SPAG9: variants seen among roughly 807,000 people sequenced by gnomAD.
The protein encoded by SPAG9 is C-Jun-amino-terminal kinase-interacting protein 4.
Under a neutral mutation model 166.5 loss-of-function variants are expected in SPAG9, and 35 were observed. The ratio of observed to expected loss-of-function variants is 0.21; its 90% CI spans 0.16 to 0.28. SPAG9 has a LOEUF of 0.28. Among genes scored for constraint, SPAG9 ranks in the 10% least tolerant of loss-of-function variants. SPAG9 has a pLI of 1.00. For missense variants in SPAG9, 1,235 were observed against 1,603.3 expected (o/e 0.77, Z 3.92); for synonymous variants, 534 against 565.5 (o/e 0.94, Z 0.79).
Position 51,068,976 on chromosome 17 carries a change from C to A in SPAG9, c.424+10608G>T, listed in dbSNP as rs536599241. On this transcript the variant is annotated intron_variant, in intron 2 of 29. Transcript: ENST00000262013. ...TAGTGTTTGCAAAAACTATCTTGTG[C>A]CTAATTTTCTACTTTCCCACTCATA... Among the ~76,000 whole-genome samples the A allele has an allele frequency of 6.6e-5, 10 of 152,118 alleles. No homozygotes were observed. In the South Asian group the frequency reaches 2.1e-3, roughly 32 times the overall value.
chr17:50,993,800 A>C lies in SPAG9; in HGVS notation c.2362T>G (p.Cys788Gly), dbSNP rs780178728. 1 of 1,614,188 alleles carries C rather than the reference A, an allele frequency of 6.2e-7. No individual in the cohort carries two copies. The highest frequency in any genetic ancestry group is 8.5e-7 in the Non-Finnish European group (1 of 1,180,010). ...PGNILDSFTV[C>G]NSHVLCIASV... is the part of the protein sequence containing the mutation. ...GCAATGCACAGAACATGAGAGTTGCAAACAGTGAAACTGTCTAGGATGTTG... is the reference window on the plus strand; with the variant it reads ...GCAATGCACAGAACATGAGAGTTGCCAACAGTGAAACTGTCTAGGATGTTG... Residue 788 changes from cysteine (C) to glycine (G), a missense_variant, in exon 19 of 30, where the codon TGC becomes GGC. Cys to Gly is a radical substitution (Grantham distance 159). Transcript: ENST00000262013.
At chr17:51,033,024 T>G (rs1056731948) in intron 5 of SPAG9, among the ~76,000 whole-genome samples, 2 of 139,748 alleles carry the variant, frequency 1.4e-5, no homozygotes, top group African/African-American at 5.9e-5. Flanking sequence ...ACAGATGTGG[T>G]TTTTTTTTTT....
chr17:51,107,879 C>G (rs1236053598), intron 1 of SPAG9, among the ~76,000 whole-genome samples: 1 of 151,034 alleles, frequency 6.6e-6, no homozygotes, highest in Non-Finnish European at 1.5e-5. Flanking sequence ...TGCAACACTG[C>G]TCTCCAGCCT....
Position 51,120,492 on chromosome 17 carries a change from C to T in SPAG9, c.165G>A (p.Val55=). ...CCGAGTCCAGGTTCTCCAGCACAGC[C>T]ACCACCAGCGGCATCAGCTCTTTGA... is the stretch of plus-strand genomic sequence containing the variant. ...EVVKELMPLV[V]AVLENLDSVF... Residue 55 remains valine (V), a synonymous_variant, in exon 1 of 30, where the codon GTG becomes GTA. Coordinates refer to ENST00000262013, the MANE Select transcript of SPAG9 (RefSeq NM_001130528.3). The surrounding 1 kb of genome is among the most constrained non-coding windows in gnomAD (Gnocchi z 4.7). The T allele has an allele frequency of 6.2e-7, 1 of 1,614,038 alleles. No individual in the cohort carries two copies. The highest frequency in any genetic ancestry group is 1.1e-5 in the South Asian group (1 of 91,090).
chr17:51,110,726 T>C (rs2049084814), intron 1 of SPAG9, among the ~76,000 whole-genome samples: 1 of 152,050 alleles, frequency 6.6e-6, no homozygotes. Flanking sequence ...AACTTGGTAC[T>C]TCTCTATTAC....
chr17:51,083,539 TTTATTTTATTTA>T (rs2048226136), intron 1 of SPAG9, among the ~76,000 whole-genome samples: 1 of 120,698 alleles, frequency 8.3e-6, no homozygotes, highest in African/African-American at 3.0e-5. Flanking sequence ...ACACAGCCTC[TTTATTTTATTTA>T]TTTATTTATT....
At chr17:51,041,354 C>A in intron 5 of SPAG9, 147 bp downstream of exon 5, 1 of 602,006 alleles carries the variant, frequency 1.7e-6, no homozygotes, top group Non-Finnish European at 2.7e-6. Context: ...TTGGTAAGAG[C>A]TCATTTCCAA....
intron 2 of SPAG9, among the ~76,000 whole-genome samples, chr17:51,065,053 G>A (rs963116034): frequency 7.2e-5 from 11 of 152,112 alleles, no homozygotes; most frequent in African/African-American, 2.7e-4. Context: ...AATCTGGGAG[G>A]CGAAGGTTGC....
chr17:51,041,906 C>T (rs1034361787), intron 4 of SPAG9, among the ~76,000 whole-genome samples: 24 of 152,142 alleles, frequency 1.6e-4, no homozygotes, highest in African/African-American at 5.3e-4. Flanking sequence ...AAGTTACTGA[C>T]GAGTTCCTTG....
In SPAG9 at chr17:51,015,236, G is replaced by A. The variant is rs534135801; in HGVS notation, c.1092-883C>T. ...TAAGCCACTGGGGTTTAGGGAGGAG[G>A]TCAATATGCTGCCAGAACCCCTGAA... On this transcript the variant is annotated intron_variant, in intron 8 of 29. Coordinates refer to ENST00000262013, the MANE Select transcript of SPAG9 (RefSeq NM_001130528.3). Among the ~76,000 whole-genome samples the A allele has an allele frequency of 9.2e-5, 14 of 152,200 alleles. No homozygotes were observed. In the South Asian group the frequency reaches 2.3e-3, roughly 25 times the overall value.
intron 4 of SPAG9, chr17:51,046,532 T>C (rs1208821768): frequency 6.5e-7 from 1 of 1,536,074 alleles, no homozygotes; most frequent in Non-Finnish European, 8.7e-7. Flanking sequence ...GCGTCAGAGC[T>C]GGCACACCGG....
In SPAG9 at chr17:50,999,416, GCA is replaced by G. The variant is rs1360373140; in HGVS notation, c.1664+243_1664+244del. 4.4e-6 allele frequency: 6 copies of G among 1,348,440 alleles called. No homozygotes were observed. The African/African-American group carries it at 6.1e-5, about 14-fold the overall frequency. 83.5% of individuals were successfully genotyped at this position (1,348,440 alleles called of 1,614,324 possible). A position where few individuals can be genotyped will look rare whatever the true frequency, so the allele number is the denominator to read the frequency against. On this transcript the variant is annotated intron_variant, in intron 14 of 29. Transcript: ENST00000262013. ...AATTTGGCAGAGGATTGCAACAAAT[GCA>G]CAGTCAACATGATGCAGCTTACGAT...
chr17:51,080,294 CT>C (rs202141770), intron 1 of SPAG9, among the ~76,000 whole-genome samples: 2,571 of 140,004 alleles, frequency 0.018, 21 homozygotes, highest in African/African-American at 0.037. Flanking sequence ...CTCCTTAAAA[CT>C]TTTTTTTTTT....
At chr17:51,078,891 AC>A (rs1216738764) in intron 2 of SPAG9, among the ~76,000 whole-genome samples, 1 of 152,162 alleles carries the variant, frequency 6.6e-6, no homozygotes, top group Non-Finnish European at 1.5e-5. Flanking sequence ...CTGTAAGTTT[AC>A]CTTACATTTT....
intron 1 of SPAG9, among the ~76,000 whole-genome samples, chr17:51,094,237 T>C (rs549712216): frequency 1.3e-5 from 2 of 152,336 alleles, no homozygotes; most frequent in East Asian, 3.9e-4. Flanking sequence ...CCTCCTTTTT[T>C]AGTGTCTCAC....
chr17:51,037,742 A>C (rs1337358519), intron 5 of SPAG9, among the ~76,000 whole-genome samples: 1 of 140,278 alleles, frequency 7.1e-6, no homozygotes, highest in East Asian at 2.0e-4. Flanking sequence ...TTTTAAAAAA[A>C]GGAAAAAGAG....
chr17:51,119,373 A>C (rs2049402625), intron 1 of SPAG9, among the ~76,000 whole-genome samples: 1 of 152,162 alleles, frequency 6.6e-6, no homozygotes, highest in South Asian at 2.1e-4. Context: ...TGAGAAACAA[A>C]AATAGGACAC....
rs1872683102 is a variant in SPAG9, at chr17:51,079,653, T to A, written c.355A>T (p.Thr119Ser). The change falls in exon 2 of 30, where the codon ACC (threonine) becomes TCC (serine). Residue 119 changes from threonine (T) to serine (S), a missense_variant. This residue lies in a region of SPAG9 where 288 missense variants were observed against 323.7 expected (regional missense o/e 0.89). Coordinates refer to ENST00000262013, the MANE Select transcript of SPAG9 (RefSeq NM_001130528.3). ...TGAGATTCTAAAGATTCCACTCGGGTCTGTAAGTCCTTTTTTTCCTGTTCT... is the reference window on the plus strand; with the variant it reads ...TGAGATTCTAAAGATTCCACTCGGGACTGTAAGTCCTTTTTTTCCTGTTCT... ...SQEQEKKDLQ[T>S]RVESLESQTR... 17 of 1,608,854 alleles carry A rather than the reference T, an allele frequency of 1.1e-5. 1 individual carries two copies. Among genetic ancestry groups the A allele is most frequent in the Non-Finnish European group, 1.3e-5 (15 of 1,175,360 alleles).
At chr17:51,034,634 A>G (rs1459853963) in intron 5 of SPAG9, among the ~76,000 whole-genome samples, 1 of 152,232 alleles carries the variant, frequency 6.6e-6, no homozygotes, top group Non-Finnish European at 1.5e-5. Flanking sequence ...AGGAGGGAAG[A>G]AGACAACTCT....
Sources: gnomAD v4.1 joint callset for allele counts (sites outside exome capture counted in the v4.1 genomes callset) on GRCh38, gnomAD v4.1.1 for gene constraint, gnomAD v4.1.1 regional missense constraint, Gnocchi (gnomAD v3.1) non-coding constraint, MANE v1.5 for transcripts, NCBI Gene and HGNC (gene_info 2026-07-23, HGNC 2026-07-21) for gene names.